MSANTD5: variants seen among roughly 807,000 people sequenced by gnomAD.
MSANTD5 encodes Myb/SANT DNA binding domain containing 5.
At chr5:178,694,489 C>T (rs1021562983), downstream of MSANTD5, 3 of 152,120 alleles carry the variant, frequency 2.0e-5, no homozygotes, top group Admixed American at 1.3e-4. Flanking sequence ...GGCTGAGCTC[C>T]CTCCCTGTCC....
chr5:178,694,017 A>G (rs1252654799), downstream of MSANTD5, among the ~76,000 whole-genome samples: 2 of 152,002 alleles, frequency 1.3e-5, no homozygotes, highest in Non-Finnish European at 2.9e-5. Flanking sequence ...AGGCTCAGAA[A>G]CATGAAATAA....
At chr5:178,704,859 T>C in the MSANTD5 span, among the ~76,000 whole-genome samples, 1 of 151,960 alleles carries the variant, frequency 6.6e-6, no homozygotes, top group African/African-American at 2.4e-5. Context: ...AACCCAGCCG[T>C]GGAAGGAGAG....
chr5:178,703,461 C>T, the MSANTD5 span, among the ~76,000 whole-genome samples: 1 of 152,160 alleles, frequency 6.6e-6, no homozygotes, highest in Non-Finnish European at 1.5e-5. Flanking sequence ...GCCTAATGGT[C>T]CAGTATATGC....
exon 3 of MSANTD5, chr5:178,695,364 C>T (rs1967384): frequency 0.24 from 36,875 of 152,072 alleles, 5,323 homozygotes; most frequent in African/African-American, 0.4. Context: ...CAAGGGTTGG[C>T]ACCTTGGCCT....
the MSANTD5 span, among the ~76,000 whole-genome samples, chr5:178,703,810 G>A: frequency 1.4e-3 from 207 of 151,098 alleles, no homozygotes; most frequent in Non-Finnish European, 2.5e-3. Context: ...GTGAAACCCC[G>A]TCTCTACTAA....
chr5:178,705,333 A>AC, the MSANTD5 span, among the ~76,000 whole-genome samples: 1 of 152,072 alleles, frequency 6.6e-6, no homozygotes, highest in Non-Finnish European at 1.5e-5. Flanking sequence ...GGCATGAGCC[A>AC]CCACGCCCGG....
chr5:178,692,346 CTCTAG>C (rs1765366167), downstream of MSANTD5, among the ~76,000 whole-genome samples: 3 of 147,834 alleles, frequency 2.0e-5, no homozygotes, highest in South Asian at 6.4e-4. Context: ...CACCGCTGCA[CTCTAG>C]CCTGGATGAC....
At chr5:178,699,982 G>C (rs1425806613), upstream of MSANTD5, among the ~76,000 whole-genome samples, 1 of 151,804 alleles carries the variant, frequency 6.6e-6, no homozygotes, top group African/African-American at 2.4e-5. Context: ...GGCAGCTTCA[G>C]ATCAAGCTGA....
At chr5:178,693,619 C>T (rs1031259026), downstream of MSANTD5, among the ~76,000 whole-genome samples, 1 of 152,074 alleles carries the variant, frequency 6.6e-6, no homozygotes, top group Non-Finnish European at 1.5e-5. Flanking sequence ...AAACCTCCCA[C>T]AGCACGAAAG....
the MSANTD5 span, among the ~76,000 whole-genome samples, chr5:178,705,166 A>G: frequency 6.6e-6 from 1 of 151,900 alleles, no homozygotes; most frequent in Non-Finnish European, 1.5e-5. Flanking sequence ...CTCCTTCCTC[A>G]GCATCCCCAG....
upstream of MSANTD5, among the ~76,000 whole-genome samples, chr5:178,701,749 A>T (rs527968912): frequency 2.7e-5 from 4 of 147,486 alleles, no homozygotes; most frequent in African/African-American, 9.8e-5. Flanking sequence ...TTATTTTAAA[A>T]ATATATATTT....
At chr5:178,692,396 A>C (rs960245670), downstream of MSANTD5, among the ~76,000 whole-genome samples, 2 of 151,620 alleles carry the variant, frequency 1.3e-5, no homozygotes, top group African/African-American at 4.9e-5. Context: ...AAAAAAAAAA[A>C]ATTAAACATG....
downstream of MSANTD5, among the ~76,000 whole-genome samples, chr5:178,692,764 C>T (rs1364618851): frequency 6.6e-6 from 1 of 151,888 alleles, no homozygotes; most frequent in Non-Finnish European, 1.5e-5. Context: ...TCAGCGGTTG[C>T]CAGGAGTTAA....
the MSANTD5 span, among the ~76,000 whole-genome samples, chr5:178,702,948 GAGAC>G: frequency 2.0e-5 from 3 of 152,206 alleles, no homozygotes; most frequent in Non-Finnish European, 4.4e-5. Flanking sequence ...TAGTAGGTGA[GAGAC>G]AGGCCAGAGA....
chr5:178,697,811 C>CAGA (rs1309491452), upstream of MSANTD5: 1 of 152,206 alleles, frequency 6.6e-6, no homozygotes, highest in Non-Finnish European at 1.5e-5. Context: ...GTGATTGGGT[C>CAGA]AGACCCACCC....
chr5:178,703,033 C>A, the MSANTD5 span, among the ~76,000 whole-genome samples: 22 of 152,332 alleles, frequency 1.4e-4, no homozygotes, highest in Non-Finnish European at 1.5e-4. Context: ...TTTCCCATGC[C>A]AAAGACACAC....
chr5:178,697,259 C>T (rs1186544112), intron 1 of MSANTD5, among the ~76,000 whole-genome samples: 2 of 149,526 alleles, frequency 1.3e-5, no homozygotes, highest in Non-Finnish European at 3.0e-5. Flanking sequence ...TCGAGACCAT[C>T]CTGGCTAACA....
chr5:178,702,432 C>G (rs993978621), upstream of MSANTD5, among the ~76,000 whole-genome samples: 28 of 151,332 alleles, frequency 1.9e-4, no homozygotes, highest in African/African-American at 6.5e-4. Context: ...TCCCAAATAA[C>G]TGGGACTACA....
chr5:178,699,950 A>C (rs951940810), upstream of MSANTD5, among the ~76,000 whole-genome samples: 1 of 75,822 alleles, frequency 1.3e-5, no homozygotes, highest in Non-Finnish European at 3.2e-5. Context: ...CAGCACAGAC[A>C]TTCTTCATTC....
Sources: gnomAD v4.1 joint callset for allele counts (sites outside exome capture counted in the v4.1 genomes callset) on GRCh38, gnomAD v4.1.1 for gene constraint, MANE v1.5 for transcripts, NCBI Gene and HGNC (gene_info 2026-07-23, HGNC 2026-07-21) for gene names.